Variants in HS6ST3 observed in about 807,000 individuals in gnomAD.
The protein encoded by HS6ST3 is heparan sulfate 6-O-sulfotransferase 3.
HS6ST3 carries 12 observed loss-of-function variants against 36.7 expected under a neutral mutation model. That is an observed-to-expected ratio of 0.33 (90% confidence interval 0.21 to 0.53). HS6ST3 has a LOEUF of 0.53. Among genes scored for constraint, HS6ST3 ranks in the 20% least tolerant of loss-of-function variants. The pLI is 0.95. For synonymous variants in HS6ST3, 240 were observed against 257.5 expected (o/e 0.93, Z 0.65); for missense variants, 584 against 640.9 (o/e 0.91, Z 0.96).
chr13:96,542,689 C>T (rs1389904355), intron 1 of HS6ST3, among the ~76,000 whole-genome samples: 1 of 152,166 alleles, frequency 6.6e-6, no homozygotes. Context: ...ACCTCCACCA[C>T]TCTACCCTTT....
At chr13:96,162,843 T>G (rs2054142303) in intron 1 of HS6ST3, among the ~76,000 whole-genome samples, 1 of 152,234 alleles carries the variant, frequency 6.6e-6, no homozygotes, top group Non-Finnish European at 1.5e-5. Context: ...ATATGTTAAT[T>G]AACTATTGTG....
At chr13:96,243,328 G>T (rs1023110071) in intron 1 of HS6ST3, among the ~76,000 whole-genome samples, 1 of 152,098 alleles carries the variant, frequency 6.6e-6, no homozygotes, top group Non-Finnish European at 1.5e-5. Flanking sequence ...TGTTTTCTTA[G>T]CAGACCTTAA....
chr13:96,279,669 C>A (rs991521871), intron 1 of HS6ST3, among the ~76,000 whole-genome samples: 1 of 152,160 alleles, frequency 6.6e-6, no homozygotes, highest in African/African-American at 2.4e-5. Flanking sequence ...TACTTTCTTA[C>A]CTGCTCTATT....
intron 1 of HS6ST3, among the ~76,000 whole-genome samples, chr13:96,427,537 ATTAT>A (rs1330555022): frequency 2.0e-5 from 3 of 151,834 alleles, no homozygotes; most frequent in African/African-American, 7.2e-5. Flanking sequence ...TTTATAATAC[ATTAT>A]TTATATTATG....
intron 1 of HS6ST3, among the ~76,000 whole-genome samples, chr13:96,718,587 A>C (rs897772203): frequency 1.3e-5 from 2 of 152,192 alleles, no homozygotes; most frequent in African/African-American, 4.8e-5. Flanking sequence ...TATAAAAAAT[A>C]AAGGTTATAA....
intron 1 of HS6ST3, among the ~76,000 whole-genome samples, chr13:96,175,451 A>G (rs984488354): frequency 1.3e-5 from 2 of 151,748 alleles, no homozygotes; most frequent in African/African-American, 4.8e-5. Flanking sequence ...TCTGTTTGAC[A>G]CTTGCTGGTT....
At chr13:96,623,030 G>T (rs574905161) in intron 1 of HS6ST3, among the ~76,000 whole-genome samples, 1 of 152,192 alleles carries the variant, frequency 6.6e-6, no homozygotes, top group South Asian at 2.1e-4. Context: ...ACATCTCATA[G>T]TTCTATTATC....
At chr13:96,664,176 T>C (rs1235049513) in intron 1 of HS6ST3, among the ~76,000 whole-genome samples, 2 of 152,172 alleles carry the variant, frequency 1.3e-5, no homozygotes, top group Non-Finnish European at 2.9e-5. Flanking sequence ...AATCTCGGCT[T>C]TCTCATCTGT....
chr13:96,192,601 GATAT>G (rs5805955), intron 1 of HS6ST3, among the ~76,000 whole-genome samples: 2,385 of 146,842 alleles, frequency 0.016, 67 homozygotes, highest in African/African-American at 0.055. Context: ...CCATGGGATG[GATAT>G]ATATATATAT....
intron 1 of HS6ST3, among the ~76,000 whole-genome samples, chr13:96,311,521 C>T (rs1363831742): frequency 2.6e-5 from 4 of 152,064 alleles, no homozygotes; most frequent in Non-Finnish European, 4.4e-5. Context: ...TTGATACTCC[C>T]GCCAGAGTAG....
chr13:96,388,968 A>T (rs1489542532), intron 1 of HS6ST3, among the ~76,000 whole-genome samples: 1 of 152,174 alleles, frequency 6.6e-6, no homozygotes, highest in African/African-American at 2.4e-5. Context: ...GTGCTGTGAG[A>T]ATGGACATAC....
intron 1 of HS6ST3, among the ~76,000 whole-genome samples, chr13:96,651,827 ATCC>A (rs1198079344): frequency 6.6e-6 from 1 of 152,064 alleles, no homozygotes; most frequent in East Asian, 1.9e-4. Flanking sequence ...TTGGCTCTTT[ATCC>A]TCACAGTACA....
chr13:96,750,207 G>A (rs572692409), intron 1 of HS6ST3, among the ~76,000 whole-genome samples: 9 of 152,258 alleles, frequency 5.9e-5, no homozygotes, highest in Admixed American at 2.0e-4. Flanking sequence ...GCTGGCATTT[G>A]GTAAAAAAAC....
chr13:96,375,037 C>T (rs1013431049), intron 1 of HS6ST3, among the ~76,000 whole-genome samples: 49 of 151,994 alleles, frequency 3.2e-4, no homozygotes, highest in African/African-American at 1.1e-3. Context: ...CCTCCCTACT[C>T]ACTGTGCTGT....
intron 1 of HS6ST3, among the ~76,000 whole-genome samples, chr13:96,678,611 C>T (rs977874692): frequency 2.0e-5 from 3 of 151,854 alleles, no homozygotes; most frequent in Admixed American, 1.3e-4. Context: ...GAGGCAGAGG[C>T]TGCAGTGAGC....
At chr13:96,547,700 C>T (rs1325600657) in intron 1 of HS6ST3, among the ~76,000 whole-genome samples, 2 of 151,998 alleles carry the variant, frequency 1.3e-5, no homozygotes, top group Non-Finnish European at 2.9e-5. Flanking sequence ...ATTGTTTTGC[C>T]TCATCTTCGT....
At chr13:96,499,570 A>G (rs2055993962) in intron 1 of HS6ST3, among the ~76,000 whole-genome samples, 1 of 152,090 alleles carries the variant, frequency 6.6e-6, no homozygotes, top group African/African-American at 2.4e-5. Flanking sequence ...CAGGTGGAAT[A>G]CTCAGGGCAA....
rs917245035 is a variant in HS6ST3, at chr13:96,090,434, C to G, written c.-429C>G. On this transcript the variant is annotated 5_prime_UTR_variant, in exon 1 of 2. Coordinates refer to ENST00000376705, the MANE Select transcript of HS6ST3 (RefSeq NM_153456.4). ...CGCCCTGGCGAGCCTCATGCAGCCC[C>G]GGCGCTCGCGGCCGCAGCTACCCGG... Among the ~76,000 whole-genome samples, 2 of 146,354 alleles carry G rather than the reference C, an allele frequency of 1.4e-5. No homozygotes were observed. The highest frequency in any genetic ancestry group is 3.9e-4 in the East Asian group (2 of 5,094).
At position 96,311,534 on chromosome 13, in the gene HS6ST3, G is replaced by A. The variant is rs185288834; in HGVS notation, c.707+219965G>A. Among the ~76,000 whole-genome samples the A allele has an allele frequency of 7.2e-5, 11 of 152,204 alleles. No individual in the cohort carries two copies. In the South Asian group the frequency reaches 1.2e-3, roughly 17 times the overall value. ...CTTTGATACTCCCGCCAGAGTAGTC[G>A]TCATGAAACATGGATTTAAAGCAGG... On this transcript the variant is annotated intron_variant, in intron 1 of 1. Coordinates refer to ENST00000376705, the MANE Select transcript of HS6ST3 (RefSeq NM_153456.4).
Sources: allele counts gnomAD v4.1 joint callset (sites outside exome capture counted in the v4.1 genomes callset), GRCh38; gene constraint gnomAD v4.1.1; transcripts MANE v1.5; gene names NCBI Gene and HGNC (gene_info 2026-07-23, HGNC 2026-07-21).